PAPPA: variants seen among roughly 807,000 people sequenced by gnomAD.
PAPPA encodes the protein pappalysin 1.
PAPPA carries 60 observed loss-of-function variants against 164.0 expected under a neutral mutation model. The ratio of observed to expected loss-of-function variants is 0.37; its 90% CI spans 0.30 to 0.45. The LOEUF (loss-of-function observed/expected upper bound fraction) is 0.45. PAPPA is among the 20% of genes least tolerant of loss of function. The pLI, the probability that PAPPA is intolerant of heterozygous loss-of-function variation, is 1.00. For synonymous variants in PAPPA, 875 were observed against 814.1 expected (o/e 1.07, Z -1.27); for missense variants, 1,782 against 2,087.3 (o/e 0.85, Z 2.85).
rs1343375225 is a variant in PAPPA, at chr9:116,187,045, G to C, written c.416-109G>C. 1.3e-6 allele frequency: 1 copy of C among 781,256 alleles called. No homozygotes were observed. The highest frequency in any genetic ancestry group is 2.0e-6 in the Non-Finnish European group (1 of 493,642). The allele number at this position is 781,256 out of a possible 1,614,324, so 48.4% of individuals were successfully genotyped here. Reference sequence around the variant, plus strand: ...TAGGATCCCACAGAGCAGTTGGAAAGCGATGAGTCTAGGATAACCTGATAC... The same window carrying C: ...TAGGATCCCACAGAGCAGTTGGAAACCGATGAGTCTAGGATAACCTGATAC... On this transcript the variant is annotated intron_variant, in intron 1 of 21. Transcript: ENST00000328252. The surrounding 1 kb of genome is among the most constrained non-coding windows in gnomAD (Gnocchi z 4.2).
intron 21 of PAPPA, among the ~76,000 whole-genome samples, chr9:116,383,036 C>A (rs939519636): frequency 4.8e-4 from 73 of 152,162 alleles, no homozygotes; most frequent in African/African-American, 1.7e-3. Context: ...ATTTGTCACA[C>A]CTGTAGAATT....
chr9:116,331,135 T>C, intron 10 of PAPPA, 109 bp from the exon 11 acceptor site: 1 of 668,362 alleles, frequency 1.5e-6, no homozygotes, highest in East Asian at 2.7e-5. Flanking sequence ...TGTTTTTTCC[T>C]GTGGTGCCAA....
At chr9:116,182,130 C>T (rs933509570) in intron 1 of PAPPA, among the ~76,000 whole-genome samples, 3 of 152,330 alleles carry the variant, frequency 2.0e-5, no homozygotes, top group Non-Finnish European at 4.4e-5. Flanking sequence ...TTTCCCTATT[C>T]TGAGCCTCAG....
chr9:116,342,991 A>G (rs1226600282), intron 13 of PAPPA, among the ~76,000 whole-genome samples: 2 of 152,216 alleles, frequency 1.3e-5, no homozygotes, highest in African/African-American at 2.4e-5. Context: ...GTACACCAAG[A>G]TGAAATAGGC....
chr9:116,261,523 A>C (rs1845000649), intron 7 of PAPPA, among the ~76,000 whole-genome samples: 1 of 152,226 alleles, frequency 6.6e-6, no homozygotes, highest in Non-Finnish European at 1.5e-5. Flanking sequence ...CCGCAAAATC[A>C]CATGACTTGT....
chr9:116,270,972 A>T (rs1448891249), intron 8 of PAPPA, among the ~76,000 whole-genome samples: 1 of 152,178 alleles, frequency 6.6e-6, no homozygotes, highest in Non-Finnish European at 1.5e-5. Flanking sequence ...GAGACAAGGA[A>T]ATGTCTGTGA....
Position 116,401,622 on chromosome 9 carries a change from A to G in PAPPA, c.*5006A>G, listed in dbSNP as rs1328009673. 6.6e-6 allele frequency: 1 copy of G among 151,490 alleles called. No homozygotes were observed. 9.4% of individuals were successfully genotyped at this position (151,490 alleles called of 1,614,324 possible). On this transcript the variant is annotated 3_prime_UTR_variant, in exon 22 of 22. Transcript: ENST00000328252. ...TATATACTTAAATGTAATATTTACA[A>G]AATAAAACTGTGATCTCGTCTAGAG... is the stretch of plus-strand genomic sequence containing the variant.
At chr9:116,308,643 C>G (rs1418631164) in intron 10 of PAPPA, among the ~76,000 whole-genome samples, 1 of 152,184 alleles carries the variant, frequency 6.6e-6, no homozygotes, top group Non-Finnish European at 1.5e-5. Context: ...TGAGAACAAG[C>G]TAGAAGAGCT....
chr9:116,313,982 C>T (rs535973157), intron 10 of PAPPA, among the ~76,000 whole-genome samples: 23 of 149,616 alleles, frequency 1.5e-4, no homozygotes, highest in East Asian at 3.9e-4. Flanking sequence ...TGGGATAGCA[C>T]GCTTAAAGCA....
chr9:116,198,554 A>G (rs12351982), intron 2 of PAPPA, among the ~76,000 whole-genome samples: 1 of 152,238 alleles, frequency 6.6e-6, no homozygotes, highest in African/African-American at 2.4e-5. Flanking sequence ...ATAAATAGCT[A>G]GCTGCATAAT....
In PAPPA at chr9:116,347,221, GC is replaced by G; in HGVS notation, c.3964+14del. On this transcript the variant is annotated intron_variant, in intron 15 of 21. Coordinates refer to ENST00000328252, the MANE Select transcript of PAPPA (RefSeq NM_002581.5). This position sits in a 1 kb window ranked among gnomAD's most constrained non-coding sequence, Gnocchi z 4.5. ...TGCACAATTGAAAGGTATCAAGAACGCCTTCCCCAGCTCAGCCTTCCTTTGT... is the reference window on the plus strand; with the variant it reads ...TGCACAATTGAAAGGTATCAAGAACGCTTCCCCAGCTCAGCCTTCCTTTGT... 1 of 1,590,796 alleles carries G rather than the reference GC, an allele frequency of 6.3e-7. No homozygotes were observed. Among genetic ancestry groups the G allele is most frequent in the Non-Finnish European group, 8.6e-7 (1 of 1,167,184 alleles).
intron 9 of PAPPA, among the ~76,000 whole-genome samples, chr9:116,299,891 TTC>T (rs1461204588): frequency 6.6e-6 from 1 of 151,758 alleles, no homozygotes; most frequent in Non-Finnish European, 1.5e-5. Flanking sequence ...TTTTTTTTTT[TTC>T]AGATGAGGAA....
chr9:116,217,994 G>A (rs765558058), intron 4 of PAPPA, among the ~76,000 whole-genome samples: 26 of 152,180 alleles, frequency 1.7e-4, no homozygotes, highest in Non-Finnish European at 2.8e-4. Flanking sequence ...AAAGAAAAAA[G>A]TGTCCAATTA....
intron 2 of PAPPA, among the ~76,000 whole-genome samples, chr9:116,192,043 C>T (rs937690295): frequency 1.3e-5 from 2 of 152,132 alleles, no homozygotes; most frequent in African/African-American, 4.8e-5. Flanking sequence ...AGGGAAGCAG[C>T]CAGGCTACAG....
chr9:116,289,369 GC>G (rs1378060690), intron 9 of PAPPA, among the ~76,000 whole-genome samples: 1 of 125,796 alleles, frequency 7.9e-6, no homozygotes, highest in Non-Finnish European at 1.7e-5. Context: ...CATATATATG[GC>G]ATATATATAG....
At chr9:116,263,672 G>A (rs984151448) in intron 7 of PAPPA, among the ~76,000 whole-genome samples, 1 of 152,122 alleles carries the variant, frequency 6.6e-6, no homozygotes, top group African/African-American at 2.4e-5. Flanking sequence ...TTTGAAATAG[G>A]CTCAGAAAGG....
chr9:116,169,290 T>C (rs1193465365), intron 1 of PAPPA, among the ~76,000 whole-genome samples: 2 of 142,750 alleles, frequency 1.4e-5, no homozygotes, highest in Non-Finnish European at 3.1e-5. Flanking sequence ...TGGCTGTCCT[T>C]CGGCCTCTCC....
At chr9:116,377,208 G>GCA (rs34081408) in intron 19 of PAPPA, among the ~76,000 whole-genome samples, 7,438 of 146,070 alleles carry the variant, frequency 0.051, 631 homozygotes, top group African/African-American at 0.18. Flanking sequence ...ACACACACAT[G>GCA]CGCACACACA....
chr9:116,170,670 C>T (rs1322147496), intron 1 of PAPPA, among the ~76,000 whole-genome samples: 2 of 150,638 alleles, frequency 1.3e-5, no homozygotes, highest in African/African-American at 4.9e-5. Context: ...TCCACCCTTC[C>T]ATCAATCCAT....
Sources: allele counts gnomAD v4.1 joint callset (sites outside exome capture counted in the v4.1 genomes callset), GRCh38; gene constraint gnomAD v4.1.1; non-coding constraint Gnocchi (gnomAD v3.1); transcripts MANE v1.5; gene names NCBI Gene and HGNC (gene_info 2026-07-23, HGNC 2026-07-21).